CCDC30: variants seen among roughly 807,000 people sequenced by gnomAD.
CCDC30 encodes coiled-coil domain containing 30.
Under a neutral mutation model 100.2 loss-of-function variants are expected in CCDC30, and 70 were observed. The ratio of observed to expected loss-of-function variants is 0.70; its 90% CI spans 0.58 to 0.85. The LOEUF (loss-of-function observed/expected upper bound fraction) is 0.85. Among genes scored for constraint, CCDC30 ranks in the 40% least tolerant of loss-of-function variants. CCDC30 has a pLI of 0.00. For synonymous variants in CCDC30, 233 were observed against 269.5 expected (o/e 0.86, Z 1.33); for missense variants, 652 against 771.2 (o/e 0.85, Z 1.83).
chr1:42,601,061 A>C (rs192118474), intron 10 of CCDC30, among the ~76,000 whole-genome samples: 101 of 152,344 alleles, frequency 6.6e-4, no homozygotes, highest in African/African-American at 2.2e-3. Context: ...GGACTAATAC[A>C]GACCCTAATG....
chr1:42,457,942 C>T, the CCDC30 span, among the ~76,000 whole-genome samples: 1 of 140,936 alleles, frequency 7.1e-6, no homozygotes, highest in South Asian at 2.3e-4. Flanking sequence ...GCGACGAGAG[C>T]GATACTCCGT....
chr1:42,457,379 A>C, the CCDC30 span: 13 of 1,575,242 alleles, frequency 8.3e-6, no homozygotes, highest in Non-Finnish European at 1.1e-5. Context: ...CCAGAGATCT[A>C]ATCCCATATA....
chr1:42,604,284 T>C (rs1646462603), intron 10 of CCDC30, among the ~76,000 whole-genome samples: 1 of 152,152 alleles, frequency 6.6e-6, no homozygotes, highest in East Asian at 1.9e-4. Flanking sequence ...AGAGTGAGAT[T>C]CTGTCTTTTA....
chr1:42,542,489 A>T, intron 6 of CCDC30, among the ~76,000 whole-genome samples: 1 of 149,666 alleles, frequency 6.7e-6, no homozygotes, highest in South Asian at 2.2e-4. Flanking sequence ...CCTCCCAAGG[A>T]GCTGAGACCA....
At chr1:42,654,292 G>T (rs1242298931), downstream of CCDC30, 3 of 359,990 alleles carry the variant, frequency 8.3e-6, no homozygotes, top group South Asian at 4.7e-5. Context: ...AGCACATGTA[G>T]GGTTAATTCA....
At chr1:42,503,369 G>C (rs1644349601) in intron 6 of CCDC30, among the ~76,000 whole-genome samples, 1 of 152,168 alleles carries the variant, frequency 6.6e-6, no homozygotes, top group Admixed American at 6.5e-5. Context: ...ATAAAAGCTG[G>C]CCTGCAGCAG....
In CCDC30 at chr1:42,539,313, G is replaced by A. The variant is rs767855151; in HGVS notation, c.457-26983G>A. 6.3e-7 allele frequency: 1 copy of A among 1,595,980 alleles called. No individual in the cohort carries two copies. The highest frequency in any genetic ancestry group is 1.2e-5 in the South Asian group (1 of 86,408). On this transcript the variant is annotated intron_variant, in intron 6 of 16. Coordinates refer to ENST00000668663, the Ensembl canonical transcript of CCDC30. ...AGAATTCTGAATTAGAAACAAAGGT[G>A]AGACTGAGTTAGGTATTTAAATGTT...
In CCDC30 at chr1:42,582,081, T is replaced by A. The variant is rs111630819; in HGVS notation, c.1001+567T>A. On this transcript the variant is annotated intron_variant, in intron 9 of 16. Transcript: ENST00000668663. ...TACCAAAAAAAAAAAAAAAAAAAAA[T>A]GATCCAGGCATGACAGTGGACTCCT... is the stretch of plus-strand genomic sequence containing the variant. Among the ~76,000 whole-genome samples, 463 of 120,812 alleles carry A rather than the reference T, an allele frequency of 3.8e-3. 2 individuals are homozygous for A. The highest frequency in any genetic ancestry group is 0.012 in the African/African-American group (384 of 30,848). The allele number at this position is 120,812 out of a possible 152,430, so 79.3% of individuals were successfully genotyped here.
upstream of CCDC30, chr1:42,460,402 C>A (rs963232500): frequency 2.0e-6 from 2 of 985,558 alleles, no homozygotes; most frequent in Non-Finnish European, 2.4e-6. Context: ...CAAAAGCTGA[C>A]ACAATGGAAA....
At chr1:42,545,162 T>TAAAAAAAAAAAAA (rs57060353) in intron 6 of CCDC30, among the ~76,000 whole-genome samples, 1 of 64,674 alleles carries the variant, frequency 1.5e-5, no homozygotes, top group Non-Finnish European at 3.3e-5. Flanking sequence ...AAAATACCTT[T>TAAAAAAAAAAAAA]AAAAAAAAAA....
In CCDC30 at chr1:42,637,454, TA is replaced by T. The variant is rs1570321232; in HGVS notation, c.1419+81del. On this transcript the variant is annotated intron_variant, in intron 12 of 16. Coordinates refer to ENST00000668663, the Ensembl canonical transcript of CCDC30. ...CCATTTGGAGAAAGCCTTTTCATTT[TA>T]AAAATTATTTGAGACCCCTTCATAG... The T allele has an allele frequency of 3.5e-6, 5 of 1,413,096 alleles. No individual in the cohort carries two copies. In the East Asian group the frequency reaches 1.1e-4, roughly 32 times the overall value. The allele number at this position is 1,413,096 out of a possible 1,614,324, so 87.5% of individuals were successfully genotyped here.
chr1:42,496,079 G>A (rs1203848575), intron 4 of CCDC30, among the ~76,000 whole-genome samples: 1 of 151,882 alleles, frequency 6.6e-6, no homozygotes, highest in Non-Finnish European at 1.5e-5. Context: ...AAGTTGTAGA[G>A]TAAGATGTGT....
intron 12 of CCDC30, among the ~76,000 whole-genome samples, chr1:42,639,271 T>G (rs1464705404): frequency 1.3e-5 from 2 of 152,062 alleles, no homozygotes; most frequent in Non-Finnish European, 2.9e-5. Context: ...GAAGAATGCC[T>G]CATGATGATG....
intron 11 of CCDC30, among the ~76,000 whole-genome samples, chr1:42,618,205 G>A (rs1480606048): frequency 6.7e-6 from 1 of 149,692 alleles, no homozygotes; most frequent in Non-Finnish European, 1.5e-5. Context: ...CTATAGACTG[G>A]AGGATGTTGA....
chr1:42,547,098 G>C (rs1007140597), intron 6 of CCDC30, among the ~76,000 whole-genome samples: 3 of 152,146 alleles, frequency 2.0e-5, no homozygotes, highest in African/African-American at 7.2e-5. Context: ...TAAGCTTTGA[G>C]TCCAAGATTC....
At chr1:42,524,061 G>A (rs1644687865) in intron 6 of CCDC30, among the ~76,000 whole-genome samples, 1 of 149,976 alleles carries the variant, frequency 6.7e-6, no homozygotes, top group Admixed American at 6.6e-5. Context: ...TAGTAGATCT[G>A]CCATATGGTC....
intron 8 of CCDC30, among the ~76,000 whole-genome samples, chr1:42,579,631 T>A (rs575335418): frequency 1.5e-4 from 23 of 151,040 alleles, no homozygotes; most frequent in African/African-American, 5.4e-4. Flanking sequence ...CGAAACTCTG[T>A]CTCAAAAAGA....
At chr1:42,495,569 C>T (rs1644219990) in intron 4 of CCDC30, among the ~76,000 whole-genome samples, 1 of 151,486 alleles carries the variant, frequency 6.6e-6, no homozygotes, top group Non-Finnish European at 1.5e-5. Flanking sequence ...GTGGCCTATG[C>T]CTGTAGTCCC....
chr1:42,593,325 A>T (rs898725897), intron 10 of CCDC30: 2 of 152,236 alleles, frequency 1.3e-5, no homozygotes, highest in African/African-American at 2.4e-5. Flanking sequence ...ATAAAAGGAC[A>T]CAACTCAGGA....
Sources: gnomAD v4.1 joint callset for allele counts (sites outside exome capture counted in the v4.1 genomes callset) on GRCh38, gnomAD v4.1.1 for gene constraint, MANE v1.5 for transcripts, NCBI Gene and HGNC (gene_info 2026-07-23, HGNC 2026-07-21) for gene names.